Variants in CPNE2 observed in about 807,000 individuals in gnomAD.
CPNE2 encodes the protein copine 2.
Under a neutral mutation model 69.7 loss-of-function variants are expected in CPNE2, and 42 were observed. The ratio of observed to expected loss-of-function variants is 0.60; its 90% CI spans 0.47 to 0.78. The LOEUF is 0.78. CPNE2 is among the 30% of genes least tolerant of loss of function. The probability of loss-of-function intolerance (pLI) is 0.00; values close to 1 mark genes in which losing one functional copy is unlikely to be tolerated. For synonymous variants in CPNE2, 294 were observed against 289.8 expected (o/e 1.01, Z -0.15); for missense variants, 587 against 732.0 (o/e 0.80, Z 2.29).
rs1567670478 is a variant in CPNE2, at chr16:57,125,943, A to G, written c.1011A>G (p.Glu337=). ...LHYINPMGTN[E]YLSAIWAVGQ... Reference sequence around the variant, plus strand: ...ATATCAACCCTATGGGCACCAACGAATATCTGTCGGCCATCTGGGCTGTTG... The same window carrying G: ...ATATCAACCCTATGGGCACCAACGAGTATCTGTCGGCCATCTGGGCTGTTG... The change falls in exon 11 of 16, where the codon GAA becomes GAG. Residue 337 remains glutamate (E), a synonymous_variant. Transcript: ENST00000290776. 2.5e-6 allele frequency: 4 copies of G among 1,614,152 alleles called. No homozygotes were observed. Among genetic ancestry groups the G allele is most frequent in the East Asian group, 2.2e-5 (1 of 44,882 alleles).
At chr16:57,110,640 G>A (rs1035690891) in intron 1 of CPNE2, 68 bp from the exon 2 acceptor site, 5 of 1,069,812 alleles carry the variant, frequency 4.7e-6, no homozygotes, top group African/African-American at 3.3e-5. Flanking sequence ...AGGTGGTAAT[G>A]CCTCCCTATG....
At chr16:57,124,058 A>ATTTTCTTTCTTTGCTTTTCTTTTC (rs2069782187) in intron 10 of CPNE2, 1 of 163,856 alleles carries the variant, frequency 6.1e-6, no homozygotes, top group Admixed American at 6.3e-5. Flanking sequence ...ATATCTTCCT[A>ATTTTCTTTCTTTGCTTTTCTTTTC]TTTTCTTTCT....
In CPNE2 at chr16:57,121,105, G is replaced by T; in HGVS notation, c.694G>T (p.Asp232Tyr). The change falls in exon 8 of 16, where the codon GAC becomes TAC. Residue 232 changes from aspartate (D) to tyrosine (Y), a missense_variant. Around this residue, in one of 5 missense-constraint regions of CPNE2, gnomAD observed 269 missense variants for 300.5 expected, o/e 0.90. Coordinates refer to ENST00000290776, the MANE Select transcript of CPNE2 (RefSeq NM_152727.6). ...GAACCCACCCCAGGTCATGTGCTAC[G>T]ACTATGACAATGACGGGGGCCATGA... ...MEKPIQVMCY[D>Y]YDNDGGHDFI... is the part of the protein sequence containing the mutation. 6.2e-7 allele frequency: 1 copy of T among 1,613,658 alleles called. No homozygotes were observed. Among genetic ancestry groups the T allele is most frequent in the South Asian group, 1.1e-5 (1 of 91,016 alleles).
At chr16:57,105,722 A>G (rs17371640) in intron 1 of CPNE2, among the ~76,000 whole-genome samples, 46,569 of 152,072 alleles carry the variant, frequency 0.31, 7,978 homozygotes, top group Middle Eastern at 0.39. Context: ...ACCCATCTGT[A>G]AAAGAGACCA....
In CPNE2 at chr16:57,102,478, A is replaced by G. The variant is rs1021232498; in HGVS notation, c.-35-8230A>G. 2.6e-5 allele frequency among the ~76,000 whole-genome samples: 4 copies of G among 152,162 alleles called. No individual in the cohort carries two copies. The East Asian group carries it at 7.7e-4, about 29-fold the overall frequency. ...CCTTGAGGGCTGTGTATCCAAGCCC[A>G]TAATTCAATCCCTAGTCCCCCGTCA... is the stretch of plus-strand genomic sequence containing the variant. On this transcript the variant is annotated intron_variant, in intron 1 of 15. Transcript: ENST00000290776.
At chr16:57,097,452 T>C (rs2069584846) in intron 1 of CPNE2, among the ~76,000 whole-genome samples, 1 of 152,146 alleles carries the variant, frequency 6.6e-6, no homozygotes, top group Non-Finnish European at 1.5e-5. Flanking sequence ...AAGTCCCAAG[T>C]GAAAGAGGGA....
Position 57,092,668 on chromosome 16 carries a change from C to A in CPNE2, c.-158C>A. 1 of 149,072 alleles carries A rather than the reference C, an allele frequency of 6.7e-6. No homozygotes were observed. The highest frequency in any genetic ancestry group is 1.8e-4 in the South Asian group (1 of 5,598). 9.2% of individuals were successfully genotyped at this position (149,072 alleles called of 1,614,324 possible). ...GGGCCGTGGCCGCGCGGGCAGCGCC[C>A]TGAGCCTGTCCCGCGCCCGCGGGCC... On this transcript the variant is annotated 5_prime_UTR_variant, in exon 1 of 16. It adds an upstream start codon to the 5' untranslated region. Coordinates refer to ENST00000290776, the MANE Select transcript of CPNE2 (RefSeq NM_152727.6). The surrounding 1 kb of genome is among the most constrained non-coding windows in gnomAD (Gnocchi z 5.3).
Position 57,147,721 on chromosome 16 carries a change from C to T in CPNE2, c.*63C>T. 1 of 1,108,588 alleles carries T rather than the reference C, an allele frequency of 9.0e-7. No homozygotes were observed. The highest frequency in any genetic ancestry group is 2.7e-5 in the East Asian group (1 of 37,218). 68.7% of individuals were successfully genotyped at this position (1,108,588 alleles called of 1,614,324 possible). ...CTGCCCTCCCCCAGGAACATGCACG[C>T]TCACTCTGCTTCCTTGTGGGTGGCC... is the stretch of plus-strand genomic sequence containing the variant. On this transcript the variant is annotated 3_prime_UTR_variant, in exon 16 of 16. Coordinates refer to ENST00000290776, the MANE Select transcript of CPNE2 (RefSeq NM_152727.6).
chr16:57,140,504 C>T (rs920692929), intron 14 of CPNE2, among the ~76,000 whole-genome samples: 3 of 151,582 alleles, frequency 2.0e-5, no homozygotes, highest in Non-Finnish European at 4.4e-5. Flanking sequence ...CGTAGTAAAC[C>T]CCCAGTGTGC....
At chr16:57,108,459 T>C (rs1208689817) in intron 1 of CPNE2, among the ~76,000 whole-genome samples, 1 of 148,828 alleles carries the variant, frequency 6.7e-6, no homozygotes, top group African/African-American at 2.5e-5. Context: ...AGTAAACCAC[T>C]TAGCCTCAGG....
chr16:57,105,698 C>G (rs1189308326), intron 1 of CPNE2, among the ~76,000 whole-genome samples: 1 of 152,194 alleles, frequency 6.6e-6, no homozygotes, highest in Non-Finnish European at 1.5e-5. Context: ...CCTGTCCTCT[C>G]TTTGCCTCAG....
chr16:57,146,657 G>T lies in CPNE2; in HGVS notation c.1539+336G>T. The stretch of plus-strand genomic sequence containing the variant: ...GGCTATCCATGTGGTGTAAAGTGCA[G>T]GAGGAGAGAGGGGTTTTCCTGATCA... On this transcript the variant is annotated intron_variant, in intron 15 of 15. Coordinates refer to ENST00000290776, the MANE Select transcript of CPNE2 (RefSeq NM_152727.6). The surrounding 1 kb of genome is among the most constrained non-coding windows in gnomAD (Gnocchi z 4.4). The T allele has an allele frequency of 3.9e-6, 1 of 258,094 alleles. No homozygotes were observed. The highest frequency in any genetic ancestry group is 5.9e-5 in the South Asian group (1 of 16,922). 16.0% of individuals were successfully genotyped at this position (258,094 alleles called of 1,614,324 possible). A position where few individuals can be genotyped will look rare whatever the true frequency, so the allele number is the denominator to read the frequency against.
intron 10 of CPNE2, chr16:57,125,389 G>A (rs2069793327): frequency 2.2e-6 from 1 of 455,834 alleles, no homozygotes; most frequent in Admixed American, 2.4e-5. Flanking sequence ...GTGGTCTGAG[G>A]GATAATGGGG....
At chr16:57,109,814 C>T (rs1232510505) in intron 1 of CPNE2, among the ~76,000 whole-genome samples, 1 of 152,324 alleles carries the variant, frequency 6.6e-6, no homozygotes, top group East Asian at 1.9e-4. Flanking sequence ...CCTCCTATCT[C>T]ATCCTGTGAC....
chr16:57,104,457 C>T (rs1356853841), intron 1 of CPNE2, among the ~76,000 whole-genome samples: 1 of 152,222 alleles, frequency 6.6e-6, no homozygotes, highest in Non-Finnish European at 1.5e-5. Flanking sequence ...CTGCTGGCCT[C>T]TCAGACCCTA....
intron 12 of CPNE2, among the ~76,000 whole-genome samples, chr16:57,131,562 G>A (rs115017330): frequency 1.1e-4 from 17 of 152,360 alleles, no homozygotes; most frequent in African/African-American, 3.4e-4. Flanking sequence ...ATGTTTTCTT[G>A]AGCAAAAGCC....
intron 1 of CPNE2, among the ~76,000 whole-genome samples, chr16:57,109,217 G>A (rs1038379121): frequency 6.6e-6 from 1 of 152,196 alleles, no homozygotes; most frequent in Non-Finnish European, 1.5e-5. Flanking sequence ...GCTCATGCCT[G>A]TAATCCCAGC....
intron 10 of CPNE2, chr16:57,123,802 C>T: frequency 2.5e-6 from 1 of 397,322 alleles, no homozygotes; most frequent in Non-Finnish European, 4.6e-6. Flanking sequence ...TCATCTGCAG[C>T]CTCCTTCCTC....
At chr16:57,114,839 T>G (rs972438024) in intron 3 of CPNE2, among the ~76,000 whole-genome samples, 1 of 147,914 alleles carries the variant, frequency 6.8e-6, no homozygotes, top group African/African-American at 2.5e-5. Flanking sequence ...AGCTCATGCC[T>G]GTAATCCCAG....
Sources: gnomAD v4.1 joint callset for allele counts (sites outside exome capture counted in the v4.1 genomes callset) on GRCh38, gnomAD v4.1.1 for gene constraint, gnomAD v4.1.1 regional missense constraint, Gnocchi (gnomAD v3.1) non-coding constraint, MANE v1.5 for transcripts, NCBI Gene and HGNC (gene_info 2026-07-23, HGNC 2026-07-21) for gene names.